Variants in DENND5B observed in about 807,000 individuals in gnomAD.
DENND5B encodes the protein DENN domain-containing protein 5B.
A neutral mutation model predicts 140.6 loss-of-function variants in DENND5B; 34 were observed. The observed-to-expected ratio is 0.24, with a 90% CI of 0.18 to 0.32. The LOEUF (loss-of-function observed/expected upper bound fraction) is 0.32, where lower values mean the gene tolerates loss of function less well. Among genes scored for constraint, DENND5B ranks in the 10% least tolerant of loss-of-function variants. The probability of loss-of-function intolerance (pLI) is 1.00; values close to 1 mark genes in which losing one functional copy is unlikely to be tolerated. For synonymous variants in DENND5B, 551 were observed against 562.1 expected (o/e 0.98, Z 0.28); for missense variants, 1,142 against 1,560.2 (o/e 0.73, Z 4.52).
At chr12:31,488,539 G>A (rs1430610431) in intron 2 of DENND5B, among the ~76,000 whole-genome samples, 3 of 152,140 alleles carry the variant, frequency 2.0e-5, no homozygotes, top group Non-Finnish European at 2.9e-5. Context: ...GACAACAGAT[G>A]TAAGAATTTT....
At chr12:31,450,797 T>C (rs886969877) in intron 5 of DENND5B, among the ~76,000 whole-genome samples, 2 of 152,132 alleles carry the variant, frequency 1.3e-5, no homozygotes, top group East Asian at 1.9e-4. Context: ...TACATTCTAA[T>C]AGCAGTATTA....
At chr12:31,428,273 C>T (rs1049809475) in intron 8 of DENND5B, among the ~76,000 whole-genome samples, 1 of 149,642 alleles carries the variant, frequency 6.7e-6, no homozygotes, top group Non-Finnish European at 1.5e-5. Flanking sequence ...ACCTGGGAGG[C>T]GGACGTTGCA....
intron 12 of DENND5B, 47 bp from the exon 13 acceptor site, chr12:31,413,611 C>A (rs200928925): frequency 6.3e-7 from 1 of 1,578,210 alleles, no homozygotes; most frequent in Non-Finnish European, 8.6e-7. Flanking sequence ...AAGGATAACC[C>A]TGACTAGAAA....
chr12:31,585,444 C>T (rs1234147726), intron 1 of DENND5B, among the ~76,000 whole-genome samples: 1 of 152,238 alleles, frequency 6.6e-6, no homozygotes, highest in Non-Finnish European at 1.5e-5. Context: ...TTAAAAAACA[C>T]ACTTCAGCAC....
chr12:31,456,200 T>G (rs1312070381), intron 4 of DENND5B, among the ~76,000 whole-genome samples: 1 of 151,036 alleles, frequency 6.6e-6, no homozygotes, highest in Non-Finnish European at 1.5e-5. Context: ...TGTGGTGGCG[T>G]GCACCTGTAA....
At chr12:31,396,539 G>A (rs887433917) in intron 17 of DENND5B, 4 of 152,446 alleles carry the variant, frequency 2.6e-5, no homozygotes, top group African/African-American at 7.3e-5. Flanking sequence ...ACAGGGGAAG[G>A]AAATAACATT....
chr12:31,499,579 C>T, intron 1 of DENND5B: 1 of 1,459,540 alleles, frequency 6.9e-7, no homozygotes, highest in African/African-American at 1.4e-5. Flanking sequence ...TATAATAGCC[C>T]ATCCTTGTTC....
At chr12:31,499,371 G>C (rs1391825545) in intron 1 of DENND5B, among the ~76,000 whole-genome samples, 2 of 152,188 alleles carry the variant, frequency 1.3e-5, no homozygotes, top group Non-Finnish European at 2.9e-5. Context: ...TTCCTCCTAA[G>C]AAAGTAGGAA....
intron 1 of DENND5B, among the ~76,000 whole-genome samples, chr12:31,555,216 G>A (rs1164987047): frequency 9.9e-5 from 15 of 152,224 alleles, no homozygotes; most frequent in South Asian, 4.1e-4. Context: ...TGATGGTGAC[G>A]TACAGATGGG....
At chr12:31,422,458 C>T (rs986013847) in intron 11 of DENND5B, among the ~76,000 whole-genome samples, 8 of 150,516 alleles carry the variant, frequency 5.3e-5, no homozygotes, top group African/African-American at 2.0e-4. Flanking sequence ...AAAAAATAGC[C>T]GGGCATGGGA....
chr12:31,404,559 T>C (rs538950061), intron 14 of DENND5B, among the ~76,000 whole-genome samples: 70 of 152,028 alleles, frequency 4.6e-4, no homozygotes, highest in Non-Finnish European at 9.4e-4. Flanking sequence ...ATTCAAGTGA[T>C]TCTCCAGCCT....
chr12:31,569,060 CTTTT>C (rs1234009016), intron 1 of DENND5B, among the ~76,000 whole-genome samples: 3 of 93,158 alleles, frequency 3.2e-5, no homozygotes, highest in Non-Finnish European at 6.1e-5. Flanking sequence ...AGCAACATAC[CTTTT>C]TTTTTTTTTT....
At chr12:31,512,159 C>T (rs952603873) in intron 1 of DENND5B, among the ~76,000 whole-genome samples, 1 of 151,920 alleles carries the variant, frequency 6.6e-6, no homozygotes. Context: ...TTGTGATCTG[C>T]CCGCCTCGGC....
chr12:31,460,110 T>C (rs1217278829), intron 4 of DENND5B, 84 bp downstream of exon 4: 1 of 1,325,100 alleles, frequency 7.5e-7, no homozygotes, highest in Non-Finnish European at 1.0e-6. Context: ...GATAAAATTT[T>C]GACAAAGACA....
At chr12:31,558,947 T>C (rs1267371016) in intron 1 of DENND5B, among the ~76,000 whole-genome samples, 1 of 152,282 alleles carries the variant, frequency 6.6e-6, no homozygotes, top group Admixed American at 6.5e-5. Flanking sequence ...CCTGGAAGCA[T>C]TACCTTTTTG....
intron 2 of DENND5B, among the ~76,000 whole-genome samples, chr12:31,489,468 T>C (rs1308601344): frequency 1.3e-5 from 2 of 152,214 alleles, no homozygotes; most frequent in African/African-American, 4.8e-5. Context: ...TGCTACGGAC[T>C]CTGTTCGAGA....
At chr12:31,405,083 T>C (rs1227514841) in intron 14 of DENND5B, among the ~76,000 whole-genome samples, 2 of 151,896 alleles carry the variant, frequency 1.3e-5, no homozygotes, top group Non-Finnish European at 1.5e-5. Context: ...TTAATTGTTC[T>C]TTTGTTGAGA....
intron 1 of DENND5B, among the ~76,000 whole-genome samples, chr12:31,507,600 T>C (rs538811520): frequency 6.6e-6 from 1 of 152,326 alleles, no homozygotes; most frequent in Admixed American, 6.5e-5. Context: ...ATGTTTGTCA[T>C]ACTAATAATA....
chr12:31,576,607 G>A (rs888442303), intron 1 of DENND5B, among the ~76,000 whole-genome samples: 5 of 152,120 alleles, frequency 3.3e-5, no homozygotes, highest in Admixed American at 2.0e-4. Context: ...TTCAGGTCAG[G>A]CGTGGTGGCT....
Sources: gnomAD v4.1 joint callset for allele counts (sites outside exome capture counted in the v4.1 genomes callset) on GRCh38, gnomAD v4.1.1 for gene constraint, MANE v1.5 for transcripts, NCBI Gene and HGNC (gene_info 2026-07-23, HGNC 2026-07-21) for gene names.